Variants in FCHO2 observed in about 807,000 individuals in gnomAD.
The protein encoded by FCHO2 is F-BAR domain only protein 2.
In FCHO2, 43 loss-of-function variants were observed where a neutral mutation model predicts 114.1. The observed-to-expected ratio is 0.38, with a 90% CI of 0.30 to 0.49. The LOEUF is 0.49. Among genes scored for constraint, FCHO2 ranks in the 20% least tolerant of loss-of-function variants. The pLI is 0.97. For missense variants in FCHO2, 807 were observed against 950.4 expected, an observed-to-expected ratio of 0.85 and a Z score of 1.98; for synonymous variants, 293 against 315.2, an observed-to-expected ratio of 0.93 and a Z score of 0.75.
intron 5 of FCHO2, among the ~76,000 whole-genome samples, chr5:73,000,849 C>G (rs1186146574): frequency 6.6e-6 from 1 of 152,088 alleles, no homozygotes; most frequent in Non-Finnish European, 1.5e-5. Context: ...CTCAAGCCAT[C>G]TTCCTGCTTC....
chr5:73,065,858 C>A (rs1325572206), intron 18 of FCHO2, among the ~76,000 whole-genome samples: 1 of 151,722 alleles, frequency 6.6e-6, no homozygotes, highest in Non-Finnish European at 1.5e-5. Flanking sequence ...AATATTGTAC[C>A]CAACAGGTAA....
chr5:72,980,758 A>G (rs1006107728), intron 2 of FCHO2, among the ~76,000 whole-genome samples: 2 of 152,100 alleles, frequency 1.3e-5, no homozygotes, highest in African/African-American at 4.8e-5. Flanking sequence ...GAAGACTAGG[A>G]TTGCAACCCC....
intron 5 of FCHO2, among the ~76,000 whole-genome samples, chr5:72,999,615 T>A (rs1466384461): frequency 6.6e-6 from 1 of 151,830 alleles, no homozygotes; most frequent in Non-Finnish European, 1.5e-5. Context: ...ACTTCTGACC[T>A]CAGGTGATAT....
chr5:72,988,826 G>A (rs1753674884), intron 2 of FCHO2, among the ~76,000 whole-genome samples: 1 of 152,224 alleles, frequency 6.6e-6, no homozygotes, highest in Non-Finnish European at 1.5e-5. Flanking sequence ...AGCTTACAGA[G>A]ACAGAGAGAA....
At chr5:72,959,655 A>G (rs1441730729) in intron 1 of FCHO2, among the ~76,000 whole-genome samples, 2 of 152,240 alleles carry the variant, frequency 1.3e-5, no homozygotes, top group African/African-American at 4.8e-5. Flanking sequence ...ATCGTGCTCT[A>G]TATGATAAAT....
At chr5:73,052,566 G>C in intron 13 of FCHO2, 59 bp downstream of exon 13, 1 of 1,351,054 alleles carries the variant, frequency 7.4e-7, no homozygotes, top group Non-Finnish European at 1.0e-6. Flanking sequence ...TTACCTACCT[G>C]TGTCTGGTCA....
chr5:73,014,173 C>G (rs1022577233), intron 6 of FCHO2, among the ~76,000 whole-genome samples: 1 of 152,148 alleles, frequency 6.6e-6, no homozygotes, highest in Non-Finnish European at 1.5e-5. Flanking sequence ...TCTAACACAT[C>G]CTCACTTTTG....
chr5:73,025,240 C>T (rs995751608), intron 8 of FCHO2, among the ~76,000 whole-genome samples: 1 of 152,024 alleles, frequency 6.6e-6, no homozygotes, highest in Non-Finnish European at 1.5e-5. Context: ...CAGAGTTTCA[C>T]ACTTGTTGCC....
chr5:73,033,933 ACAATCTAT>A (rs1195172170), intron 8 of FCHO2, among the ~76,000 whole-genome samples: 1 of 152,174 alleles, frequency 6.6e-6, no homozygotes, highest in Non-Finnish European at 1.5e-5. Flanking sequence ...ATCCTCTTCT[ACAATCTAT>A]CTCTCATAGC....
At chr5:73,059,127 A>G (rs1757734185) in intron 17 of FCHO2, among the ~76,000 whole-genome samples, 1 of 152,186 alleles carries the variant, frequency 6.6e-6, no homozygotes, top group Non-Finnish European at 1.5e-5. Flanking sequence ...GGCACCAAAA[A>G]TGTATGTTTA....
intron 12 of FCHO2, among the ~76,000 whole-genome samples, chr5:73,051,764 T>C (rs952905270): frequency 6.6e-6 from 1 of 151,860 alleles, no homozygotes; most frequent in East Asian, 1.9e-4. Context: ...CAGGGTTTCA[T>C]TATGTTGGCC....
chr5:73,060,313 C>G (rs1255158595), intron 17 of FCHO2, among the ~76,000 whole-genome samples: 2 of 151,528 alleles, frequency 1.3e-5, no homozygotes, highest in East Asian at 3.9e-4. Context: ...ATAAATTTTG[C>G]CTTTCAAAAA....
intron 8 of FCHO2, chr5:73,020,753 T>C: frequency 5.2e-6 from 6 of 1,147,508 alleles, no homozygotes; most frequent in Non-Finnish European, 7.9e-6. Flanking sequence ...TCCAAAACCT[T>C]AACAAATTCT....
intron 20 of FCHO2, among the ~76,000 whole-genome samples, 163 bp from the exon 21 acceptor site, chr5:73,077,175 T>C (rs1391542858): frequency 6.6e-6 from 1 of 152,192 alleles, no homozygotes; most frequent in Non-Finnish European, 1.5e-5. Context: ...TTTTAAAAAT[T>C]AAATTGAAAA....
chr5:73,041,611 G>A (rs2112810392), intron 11 of FCHO2, among the ~76,000 whole-genome samples: 1 of 152,040 alleles, frequency 6.6e-6, no homozygotes, highest in African/African-American at 2.4e-5. Context: ...AATCAAATCT[G>A]TATACTTTAT....
At chr5:72,960,236 T>C (rs1445353629) in intron 1 of FCHO2, among the ~76,000 whole-genome samples, 1 of 152,268 alleles carries the variant, frequency 6.6e-6, no homozygotes, top group Non-Finnish European at 1.5e-5. Flanking sequence ...TTCCTTTTTC[T>C]TTAAAGTATA....
intron 22 of FCHO2, among the ~76,000 whole-genome samples, chr5:73,079,924 A>G (rs938324453): frequency 6.6e-6 from 1 of 152,344 alleles, no homozygotes; most frequent in African/African-American, 2.4e-5. Context: ...TATGTAATAC[A>G]TATTTATTAC....
intron 8 of FCHO2, among the ~76,000 whole-genome samples, chr5:73,025,671 G>A (rs1277279601): frequency 6.6e-6 from 1 of 152,068 alleles, no homozygotes; most frequent in African/African-American, 2.4e-5. Flanking sequence ...GAGCCACTGT[G>A]CCTGGCCTCT....
At chr5:73,012,113 A>G (rs1329845746) in intron 6 of FCHO2, among the ~76,000 whole-genome samples, 1 of 152,206 alleles carries the variant, frequency 6.6e-6, no homozygotes, top group African/African-American at 2.4e-5. Context: ...ATTATGTGCT[A>G]TGCGGTACTT....
Sources: gnomAD v4.1 joint callset for allele counts (sites outside exome capture counted in the v4.1 genomes callset) on GRCh38, gnomAD v4.1.1 for gene constraint, MANE v1.5 for transcripts, NCBI Gene and HGNC (gene_info 2026-07-23, HGNC 2026-07-21) for gene names.